Variants in CTSO observed in about 807,000 individuals in gnomAD.
CTSO encodes the protein cathepsin O.
A neutral mutation model predicts 42.4 loss-of-function variants in CTSO; 40 were observed. That is an observed-to-expected ratio of 0.94 (90% CI 0.73 to 1.23). The LOEUF (loss-of-function observed/expected upper bound fraction) is 1.23, where lower values mean the gene tolerates loss of function less well. CTSO is among the 50% of genes most tolerant of loss of function. The pLI, the probability that CTSO is intolerant of heterozygous loss-of-function variation, is 0.00. For synonymous variants in CTSO, 156 were observed against 146.2 expected, an observed-to-expected ratio of 1.07 and a Z score of -0.48; for missense variants, 441 against 396.0, an observed-to-expected ratio of 1.11 and a Z score of -0.96.
chr4:155,942,089 A>G (rs1579345907), intron 3 of CTSO, among the ~76,000 whole-genome samples: 1 of 151,996 alleles, frequency 6.6e-6, no homozygotes, highest in East Asian at 1.9e-4. Context: ...GGCAATGGCA[A>G]TTAGTAAGAG....
chr4:155,928,105 T>G (rs1316110032), intron 7 of CTSO, among the ~76,000 whole-genome samples: 3 of 152,146 alleles, frequency 2.0e-5, no homozygotes, highest in Non-Finnish European at 4.4e-5. Context: ...TTACTTTATC[T>G]TATGTTTTGA....
Position 155,924,224 on chromosome 4 carries a change from C to T in CTSO, c.*1812G>A, listed in dbSNP as rs937977945. ...GTTTGAAATTTTAGAAATCCTTTAG[C>T]ACTTGAAAAAGAGTATTACAAATGC... On this transcript the variant is annotated 3_prime_UTR_variant, in exon 8 of 8. Coordinates refer to ENST00000433477, the MANE Select transcript of CTSO (RefSeq NM_001334.3). 6.6e-6 allele frequency: 1 copy of T among 152,146 alleles called. No homozygotes were observed. The highest frequency in any genetic ancestry group is 1.5e-5 in the Non-Finnish European group (1 of 68,022). 9.4% of individuals were successfully genotyped at this position (152,146 alleles called of 1,614,324 possible).
At chr4:155,943,303 C>A in intron 1 of CTSO, 39 bp from the exon 2 acceptor site, 3 of 1,297,982 alleles carry the variant, frequency 2.3e-6, no homozygotes, top group East Asian at 4.6e-5. Flanking sequence ...TCCACTATGT[C>A]AGTTTTCCAA....
At chr4:155,933,683 G>T (rs1246367528) in intron 5 of CTSO, among the ~76,000 whole-genome samples, 1 of 152,186 alleles carries the variant, frequency 6.6e-6, no homozygotes, top group Non-Finnish European at 1.5e-5. Context: ...TGAGAAACTT[G>T]TGGGAAATGG....
In CTSO at chr4:155,925,757, G is replaced by T; in HGVS notation, c.*279C>A. 2.5e-6 allele frequency: 1 copy of T among 398,780 alleles called. No homozygotes were observed. The highest frequency in any genetic ancestry group is 4.4e-6 in the Non-Finnish European group (1 of 227,728). The allele number at this position is 398,780 out of a possible 1,614,324, so 24.7% of individuals were successfully genotyped here. A position where few individuals can be genotyped will look rare whatever the true frequency, so the allele number is the denominator to read the frequency against. ...ACAGTAGCCTTCCCCAGTTGCAGGG[G>T]CCTAAAATATCTCCTAATCTGAATT... is the stretch of plus-strand genomic sequence containing the variant. On this transcript the variant is annotated 3_prime_UTR_variant, in exon 8 of 8. Transcript: ENST00000433477.
intron 5 of CTSO, among the ~76,000 whole-genome samples, chr4:155,930,253 A>G (rs1223699931): frequency 1.3e-5 from 2 of 152,214 alleles, no homozygotes; most frequent in African/African-American, 2.4e-5. Flanking sequence ...CTGCCACACC[A>G]TGAGAATCAA....
chr4:155,945,132 C>G (rs1743517889), intron 1 of CTSO, among the ~76,000 whole-genome samples: 1 of 151,868 alleles, frequency 6.6e-6, no homozygotes, highest in African/African-American at 2.4e-5. Flanking sequence ...TGGTGGGCGC[C>G]TATAATCCCA....
rs185593467 is a variant in CTSO at position 155,924,648 on chromosome 4, C to A, written c.*1388G>T. 6.6e-6 allele frequency: 1 copy of A among 151,920 alleles called. No individual in the cohort carries two copies. The highest frequency in any genetic ancestry group is 2.4e-5 in the African/African-American group (1 of 41,354). The allele number at this position is 151,920 out of a possible 1,614,324, so 9.4% of individuals were successfully genotyped here. A position where few individuals can be genotyped will look rare whatever the true frequency, so the allele number is the denominator to read the frequency against. On this transcript the variant is annotated 3_prime_UTR_variant, in exon 8 of 8. Transcript: ENST00000433477. The stretch of plus-strand genomic sequence containing the variant: ...CATACATAGTATCAGAAATAATTTT[C>A]TTGTATTGATTCATTTAATATGGTT...
In CTSO at chr4:155,939,489, T is replaced by C; in HGVS notation, c.434A>G (p.Tyr145Cys). The stretch of plus-strand genomic sequence containing the variant: ...TTCCAGGGGCTTCCCCTTTATTGCA[T>C]AAGCAGATTCCACTGCCCCCACCAC... ...FSVVGAVESA[Y>C]AIKGKPLEDL... The change falls in exon 4 of 8, where the codon TAT becomes TGT. Residue 145 changes from tyrosine to cysteine, a missense_variant. Physicochemically the swap from Tyr to Cys is radical, Grantham distance 194. Coordinates refer to ENST00000433477, the MANE Select transcript of CTSO (RefSeq NM_001334.3). 1 of 1,614,108 alleles carries C rather than the reference T, an allele frequency of 6.2e-7. No homozygotes were observed. The highest frequency in any genetic ancestry group is 8.5e-7 in the Non-Finnish European group (1 of 1,179,968).
Position 155,953,795 on chromosome 4 carries a change from C to A in CTSO, c.53G>T (p.Arg18Leu), listed in dbSNP as rs888748556. ...GCGGGAGTCCGCATCGCCGCCGCCC[C>A]GGCACAGCAGCCACAGCAGCCACGG... ...WLPWLLWLLC[R>L]GGGDADSRAP... The change falls in exon 1 of 8, where the codon CGG becomes CTG. Residue 18 changes from arginine (R) to leucine (L), a missense_variant. Physicochemically the swap from Arg to Leu is moderately radical, Grantham distance 102. Transcript: ENST00000433477. The A allele has an allele frequency of 3.7e-6, 5 of 1,350,210 alleles. No homozygotes were observed. Among genetic ancestry groups the A allele is most frequent in the African/African-American group, 3.0e-5 (2 of 66,444 alleles). The allele number at this position is 1,350,210 out of a possible 1,614,324, so 83.6% of individuals were successfully genotyped here. A position where few individuals can be genotyped will look rare whatever the true frequency, so the allele number is the denominator to read the frequency against.
intron 7 of CTSO, among the ~76,000 whole-genome samples, chr4:155,927,929 A>G (rs1743160270): frequency 6.6e-6 from 1 of 152,190 alleles, no homozygotes; most frequent in African/African-American, 2.4e-5. Context: ...ATTTTAAAAC[A>G]AAGAAAAACT....
intron 4 of CTSO, among the ~76,000 whole-genome samples, chr4:155,938,719 G>A (rs925541564): frequency 6.6e-6 from 1 of 152,062 alleles, no homozygotes; most frequent in African/African-American, 2.4e-5. Flanking sequence ...AAGGTCAGGA[G>A]ATCGAGATCA....
chr4:155,929,233 T>C (rs891663601), intron 6 of CTSO, among the ~76,000 whole-genome samples: 1 of 152,232 alleles, frequency 6.6e-6, no homozygotes, highest in Non-Finnish European at 1.5e-5. Context: ...TGGCTTGCTG[T>C]CAATAAATAT....
intron 1 of CTSO, among the ~76,000 whole-genome samples, chr4:155,950,442 C>T (rs1412060189): frequency 6.6e-6 from 1 of 152,092 alleles, no homozygotes; most frequent in South Asian, 2.1e-4. Context: ...AAATTATAAC[C>T]TATGATTTTA....
At chr4:155,939,288 T>C (rs2110921515) in intron 4 of CTSO, 83 bp downstream of exon 4, 1 of 1,211,964 alleles carries the variant, frequency 8.3e-7, no homozygotes, top group South Asian at 1.8e-5. Flanking sequence ...TTAATATATG[T>C]GAACAAACTG....
intron 1 of CTSO, among the ~76,000 whole-genome samples, chr4:155,943,908 A>C (rs1318014174): frequency 6.6e-6 from 1 of 152,192 alleles, no homozygotes; most frequent in Non-Finnish European, 1.5e-5. Context: ...TTTTGTGACA[A>C]TTTATCTTAA....
In CTSO at chr4:155,924,508, AAGTT is replaced by A. The variant is rs2110896486; in HGVS notation, c.*1524_*1527del. The A allele has an allele frequency of 6.6e-6, 1 of 152,232 alleles. No individual in the cohort carries two copies. Among genetic ancestry groups the A allele is most frequent in the South Asian group, 2.1e-4 (1 of 4,822 alleles). The allele number at this position is 152,232 out of a possible 1,614,324, so 9.4% of individuals were successfully genotyped here. ...AAACAAAGGGCAAAAGTGAGAGAAA[AAGTT>A]AGATGTCCTTGAATTTTTTTTTTTA... On this transcript the variant is annotated 3_prime_UTR_variant, in exon 8 of 8. Coordinates refer to ENST00000433477, the MANE Select transcript of CTSO (RefSeq NM_001334.3).
intron 4 of CTSO, 131 bp from the exon 5 acceptor site, chr4:155,937,614 T>TTTTTTC: frequency 6.8e-6 from 6 of 882,476 alleles, no homozygotes; most frequent in South Asian, 1.6e-5. Flanking sequence ...GCGTTCTTTT[T>TTTTTTC]TTTTTCTTTT....
intron 5 of CTSO, among the ~76,000 whole-genome samples, chr4:155,931,598 C>T (rs1208591621): frequency 6.6e-6 from 1 of 152,052 alleles, no homozygotes; most frequent in East Asian, 1.9e-4. Flanking sequence ...AAGATGTCAG[C>T]TTTTAGAGAG....
Sources: allele counts gnomAD v4.1 joint callset (sites outside exome capture counted in the v4.1 genomes callset), GRCh38; gene constraint gnomAD v4.1.1; transcripts MANE v1.5; gene names NCBI Gene and HGNC (gene_info 2026-07-23, HGNC 2026-07-21).